Variants in SOX5 observed in about 807,000 individuals in gnomAD.
SOX5 encodes transcription factor SOX-5.
Under a neutral mutation model 92.0 loss-of-function variants are expected in SOX5, and 9 were observed. That is an observed-to-expected ratio of 0.10 (90% CI 0.06 to 0.17). The LOEUF (loss-of-function observed/expected upper bound fraction) is 0.17, where lower values mean the gene tolerates loss of function less well. Ranked by LOEUF, SOX5 falls within the 10% of genes least tolerant of loss-of-function variation. SOX5 has a pLI of 1.00. For missense variants in SOX5, 642 were observed against 944.5 expected (o/e 0.68, Z 4.20); for synonymous variants, 344 against 336.3 (o/e 1.02, Z -0.25).
At chr12:24,026,210 G>A (rs1485332827) in intron 4 of SOX5, among the ~76,000 whole-genome samples, 1 of 152,072 alleles carries the variant, frequency 6.6e-6, no homozygotes, top group Non-Finnish European at 1.5e-5. Flanking sequence ...AACCACGGGA[G>A]TGAAGGTTCC....
chr12:23,700,025 A>G (rs1238469018), intron 6 of SOX5, among the ~76,000 whole-genome samples: 11 of 152,084 alleles, frequency 7.2e-5, no homozygotes. Flanking sequence ...CTGAGAAAAA[A>G]TTTTAAGAGT....
At chr12:24,093,396 G>A (rs1035228070) in intron 4 of SOX5, among the ~76,000 whole-genome samples, 2 of 151,880 alleles carry the variant, frequency 1.3e-5, no homozygotes, top group Admixed American at 1.3e-4. Context: ...GGTGGCGGGC[G>A]CCTGTAGTCC....
chr12:23,886,643 C>T (rs1218791178), intron 2 of SOX5, among the ~76,000 whole-genome samples: 1 of 151,994 alleles, frequency 6.6e-6, no homozygotes, highest in Non-Finnish European at 1.5e-5. Flanking sequence ...TACAGTGACA[C>T]TAACATTAAG....
Position 24,418,323 on chromosome 12 carries a change from T to C in SOX5, c.-250-49684A>G, listed in dbSNP as rs78285792. 8.8e-3 allele frequency among the ~76,000 whole-genome samples: 1,343 copies of C among 152,310 alleles called. 11 individuals carry two copies. The highest frequency in any genetic ancestry group is 0.027 in the Middle Eastern group (8 of 294). On this transcript the variant is annotated intron_variant, in intron 1 of 4. Coordinates refer to the SOX5 transcript ENST00000446891. ...GATTCTGCAAAGTTTAAGGCAACCA[T>C]GGTAATCCCATCCTCCTTGCCAGTG... is the stretch of plus-strand genomic sequence containing the variant.
At chr12:23,868,731 G>A (rs1432357232) in intron 2 of SOX5, among the ~76,000 whole-genome samples, 2 of 151,974 alleles carry the variant, frequency 1.3e-5, no homozygotes, top group Non-Finnish European at 2.9e-5. Context: ...CCTGAACCAT[G>A]GTTCAATTTT....
chr12:24,536,153 T>TG (rs1951623035), intron 1 of SOX5, among the ~76,000 whole-genome samples: 1 of 152,238 alleles, frequency 6.6e-6, no homozygotes, highest in Non-Finnish European at 1.5e-5. Context: ...CTATTTGTCA[T>TG]GAAATCATAG....
chr12:24,279,520 T>C lies in SOX5; in HGVS notation c.-173-2208A>G, dbSNP rs376266985. Among the ~76,000 whole-genome samples the C allele has an allele frequency of 1.1e-3, 166 of 152,244 alleles. 1 individual carries two copies. Among genetic ancestry groups the C allele is most frequent in the Middle Eastern group, 6.8e-3 (2 of 294 alleles). ...TTAAAAATTACTAAGATCGCTGATATCGCTAATATCACTTAAAACTTGTGT... is the reference window on the plus strand; with the variant it reads ...TTAAAAATTACTAAGATCGCTGATACCGCTAATATCACTTAAAACTTGTGT... On this transcript the variant is annotated intron_variant, in intron 2 of 4. Coordinates refer to the SOX5 transcript ENST00000446891.
At chr12:24,361,328 C>T (rs1955529126) in intron 2 of SOX5, among the ~76,000 whole-genome samples, 1 of 152,088 alleles carries the variant, frequency 6.6e-6, no homozygotes, top group Non-Finnish European at 1.5e-5. Context: ...ATGCTCGAGC[C>T]CTGAGATTAC....
At chr12:24,091,918 T>A (rs912828549) in intron 4 of SOX5, among the ~76,000 whole-genome samples, 3 of 152,126 alleles carry the variant, frequency 2.0e-5, no homozygotes, top group African/African-American at 7.2e-5. Flanking sequence ...CCTTACTTGA[T>A]CTCTGCAATT....
chr12:23,611,897 G>C (rs1026261800), intron 8 of SOX5, among the ~76,000 whole-genome samples: 130 of 150,018 alleles, frequency 8.7e-4, no homozygotes, highest in African/African-American at 2.8e-3. Flanking sequence ...CTTCATAGGA[G>C]AGCTGGGCAC....
intron 6 of SOX5, among the ~76,000 whole-genome samples, chr12:23,670,281 T>G (rs2084548139): frequency 6.6e-6 from 1 of 152,060 alleles, no homozygotes; most frequent in Non-Finnish European, 1.5e-5. Flanking sequence ...GAAATCATAT[T>G]GCAAAAGGGT....
At chr12:24,289,247 C>T (rs950739983) in intron 2 of SOX5, among the ~76,000 whole-genome samples, 1 of 151,486 alleles carries the variant, frequency 6.6e-6, no homozygotes, top group Non-Finnish European at 1.5e-5. Flanking sequence ...CATCACTGTA[C>T]TCCAGCCTGG....
At chr12:23,689,956 T>C (rs1164630192) in intron 6 of SOX5, among the ~76,000 whole-genome samples, 1 of 152,240 alleles carries the variant, frequency 6.6e-6, no homozygotes, top group Non-Finnish European at 1.5e-5. Context: ...TTGTTGATAT[T>C]GTTTATTTCA....
chr12:24,277,487 TG>T (rs1944596457), intron 2 of SOX5, among the ~76,000 whole-genome samples: 2 of 104,878 alleles, frequency 1.9e-5, no homozygotes, highest in East Asian at 4.3e-4. Flanking sequence ...TAAATATATA[TG>T]TAAATTTACA....
intron 7 of SOX5, among the ~76,000 whole-genome samples, chr12:23,653,477 C>A (rs560058550): frequency 6.6e-6 from 1 of 152,120 alleles, no homozygotes; most frequent in Admixed American, 6.6e-5. Context: ...AAATATGATG[C>A]ATATCTGTAT....
At chr12:23,575,317 A>T (rs1266166151) in intron 10 of SOX5, among the ~76,000 whole-genome samples, 1 of 152,222 alleles carries the variant, frequency 6.6e-6, no homozygotes. Flanking sequence ...CACAAAAAAA[A>T]TGGAAATTTC....
chr12:24,559,228 A>G (rs776684842), intron 1 of SOX5, among the ~76,000 whole-genome samples: 3 of 152,240 alleles, frequency 2.0e-5, no homozygotes, highest in Admixed American at 6.5e-5. Flanking sequence ...AATGCATTTG[A>G]CTTCAGGCCT....
intron 1 of SOX5, among the ~76,000 whole-genome samples, chr12:23,918,953 C>T (rs1430345938): frequency 6.6e-6 from 1 of 151,552 alleles, no homozygotes; most frequent in Non-Finnish European, 1.5e-5. Flanking sequence ...GAAAAATGGC[C>T]CCCAATTCTT....
At chr12:24,366,139 G>A (rs553200767) in intron 2 of SOX5, among the ~76,000 whole-genome samples, 6 of 152,192 alleles carry the variant, frequency 3.9e-5, no homozygotes, top group Non-Finnish European at 7.4e-5. Context: ...TAGGAAATCC[G>A]AAGGCTTCTA....
Sources: gnomAD v4.1 joint callset for allele counts (sites outside exome capture counted in the v4.1 genomes callset) on GRCh38, gnomAD v4.1.1 for gene constraint, MANE v1.5 for transcripts, NCBI Gene and HGNC (gene_info 2026-07-23, HGNC 2026-07-21) for gene names.